The following DORIP1 variants were observed in gnomAD, a reference collection of about 807,000 sequenced individuals.
DORIP1 encodes dopamine receptor-interacting protein 1.
chr14:44,898,548 A>G, the DORIP1 span, among the ~76,000 whole-genome samples: 17 of 152,234 alleles, frequency 1.1e-4, no homozygotes, highest in South Asian at 6.2e-4. Flanking sequence ...ATTCAACGGA[A>G]ATAAATCAAA....
chr14:44,905,349 A>T, the DORIP1 span: 368 of 1,448,580 alleles, frequency 2.5e-4, no homozygotes, highest in Non-Finnish European at 3.3e-4. Flanking sequence ...CTCTCATACT[A>T]TATTATTTAA....
the DORIP1 span, among the ~76,000 whole-genome samples, chr14:44,898,026 C>T: frequency 6.6e-6 from 1 of 152,136 alleles, no homozygotes; most frequent in Non-Finnish European, 1.5e-5. Context: ...CCTTGGAAGT[C>T]ACCACGAAAG....
the DORIP1 span, chr14:44,901,011 T>C: frequency 6.6e-7 from 1 of 1,513,776 alleles, no homozygotes. Context: ...TAATGAATGT[T>C]GCTTTAGATA....
the DORIP1 span, chr14:44,904,582 T>C: frequency 1.4e-6 from 2 of 1,481,318 alleles, no homozygotes; most frequent in East Asian, 2.4e-5. Flanking sequence ...AAATTTATCC[T>C]GTTATATTAT....
chr14:44,899,824 ATT>A, the DORIP1 span, among the ~76,000 whole-genome samples: 516 of 115,188 alleles, frequency 4.5e-3, 1 homozygote, highest in African/African-American at 8.1e-3. Context: ...TCATTTAGGA[ATT>A]TTTTTTTTTT....
chr14:44,904,835 C>G, the DORIP1 span: 225,713 of 225,736 alleles, frequency 1, 112,845 homozygotes, highest in Middle Eastern at 1. Context: ...CTATAAAACA[C>G]AGATGATGGT....
the DORIP1 span, chr14:44,904,311 T>G: frequency 3.3e-6 from 5 of 1,505,610 alleles, no homozygotes; most frequent in East Asian, 1.2e-4. Flanking sequence ...TATAAGAAAA[T>G]TAAAGTCATA....
chr14:44,901,585 G>C, the DORIP1 span, among the ~76,000 whole-genome samples: 2 of 152,182 alleles, frequency 1.3e-5, no homozygotes, highest in Non-Finnish European at 2.9e-5. Context: ...TATGACTATA[G>C]ATGATTCTTA....
At chr14:44,903,398 G>C in the DORIP1 span, 1 of 1,483,460 alleles carries the variant, frequency 6.7e-7, no homozygotes, top group Non-Finnish European at 9.1e-7. Context: ...TATTAACCTA[G>C]TTTACTATGA....
the DORIP1 span, chr14:44,897,471 A>AGCGGCGGCG: frequency 1.1e-4 from 24 of 211,200 alleles, no homozygotes; most frequent in South Asian, 3.8e-4. Context: ...TAGATGAGGC[A>AGCGGCGGCG]GCGGCGGCGG....
chr14:44,900,494 G>A, the DORIP1 span: 12 of 1,576,014 alleles, frequency 7.6e-6, no homozygotes, highest in Admixed American at 1.7e-4. Context: ...AACCAAGATC[G>A]ATCATTTTGT....
the DORIP1 span, among the ~76,000 whole-genome samples, chr14:44,898,296 A>G: frequency 1.2e-4 from 18 of 152,104 alleles, no homozygotes; most frequent in African/African-American, 3.6e-4. Context: ...AGTATCCTCT[A>G]GTTCTTCCAA....
the DORIP1 span, chr14:44,906,768 T>C: frequency 6.6e-6 from 1 of 152,604 alleles, no homozygotes; most frequent in Non-Finnish European, 1.5e-5. Context: ...ACAGCACAGA[T>C]CACTGCCATC....
the DORIP1 span, among the ~76,000 whole-genome samples, chr14:44,898,010 T>C: frequency 6.6e-6 from 1 of 152,140 alleles, no homozygotes. Flanking sequence ...GGGTACCAAT[T>C]TCCTCCCTTG....
the DORIP1 span, chr14:44,907,157 C>G: frequency 6.6e-6 from 1 of 152,588 alleles, no homozygotes; most frequent in South Asian, 2.1e-4. Context: ...CAATGACTTA[C>G]CTACCTCACA....
chr14:44,901,478 T>C, the DORIP1 span, among the ~76,000 whole-genome samples: 1 of 152,214 alleles, frequency 6.6e-6, no homozygotes, highest in African/African-American at 2.4e-5. Context: ...CCAAACATCT[T>C]ATAATTACTT....
chr14:44,899,856 G>A, the DORIP1 span, among the ~76,000 whole-genome samples: 8 of 99,526 alleles, frequency 8.0e-5, no homozygotes, highest in African/African-American at 3.4e-4. Context: ...TTTTTGAGAT[G>A]GAGTTTCACT....
the DORIP1 span, chr14:44,905,442 T>C: frequency 6.3e-6 from 10 of 1,575,450 alleles, no homozygotes; most frequent in South Asian, 1.2e-5. Context: ...TTGGTGGACA[T>C]TGGATGCACT....
At chr14:44,904,237 T>G in the DORIP1 span, 3 of 985,260 alleles carry the variant, frequency 3.0e-6, no homozygotes, top group Non-Finnish European at 3.6e-6. Context: ...TATTAGGTGA[T>G]ATAAGGTAGT....
Sources: gnomAD v4.1 joint callset for allele counts (sites outside exome capture counted in the v4.1 genomes callset) on GRCh38, gnomAD v4.1.1 for gene constraint, MANE v1.5 for transcripts, NCBI Gene and HGNC (gene_info 2026-07-23, HGNC 2026-07-21) for gene names.